The following FRMD4A variants were observed in gnomAD, a reference collection of about 807,000 sequenced individuals.
The protein encoded by FRMD4A is FERM domain containing 4A, also known as FERM domain-containing protein 4A.
A neutral mutation model predicts 129.1 loss-of-function variants in FRMD4A; 29 were observed. The observed-to-expected ratio is 0.22, with a 90% CI of 0.17 to 0.31. FRMD4A has a LOEUF of 0.31. Ranked by LOEUF, FRMD4A falls within the 10% of genes least tolerant of loss-of-function variation. FRMD4A has a pLI of 1.00. For synonymous variants in FRMD4A, 634 were observed against 571.6 expected, an observed-to-expected ratio of 1.11 and a Z score of -1.56; for missense variants, 1,272 against 1,375.8, an observed-to-expected ratio of 0.92 and a Z score of 1.19.
At chr10:14,224,133 C>T (rs1843358489) in intron 2 of FRMD4A, among the ~76,000 whole-genome samples, 1 of 152,188 alleles carries the variant, frequency 6.6e-6, no homozygotes, top group South Asian at 2.1e-4. Context: ...ACTAGCTCCT[C>T]TTTCAAATCC....
chr10:13,808,957 C>G (rs776484158), intron 4 of FRMD4A, among the ~76,000 whole-genome samples: 1 of 152,230 alleles, frequency 6.6e-6, no homozygotes, highest in Non-Finnish European at 1.5e-5. Context: ...ACACTTTTAT[C>G]CAGCCTGGCT....
chr10:13,993,176 C>T (rs553141230), intron 2 of FRMD4A, among the ~76,000 whole-genome samples: 1 of 152,124 alleles, frequency 6.6e-6, no homozygotes, highest in Non-Finnish European at 1.5e-5. Flanking sequence ...GTGGATGTGA[C>T]AAGTGTGAGC....
Position 14,242,665 on chromosome 10 carries a change from T to C in FRMD4A, c.45+87393A>G, listed in dbSNP as rs184790749. Among the ~76,000 whole-genome samples the C allele has an allele frequency of 5.5e-3, 840 of 152,298 alleles. 1 individual carries two copies. The highest frequency in any genetic ancestry group is 9.1e-3 in the Non-Finnish European group (622 of 68,012). ...CAATAAATGCCAAATTAAGTCACGA[T>C]AGATGGAACACAAGAGGGACCCTGT... On this transcript the variant is annotated intron_variant, in intron 2 of 24. Transcript: ENST00000357447.
rs75365429 is a variant in FRMD4A, at chr10:14,028,652, G to A, written c.46-169740C>T. 7.4e-3 allele frequency among the ~76,000 whole-genome samples: 1,128 copies of A among 152,168 alleles called. 51 individuals carry two copies. The East Asian group carries it at 0.1, about 14-fold the overall frequency. On this transcript the variant is annotated intron_variant, in intron 2 of 24. Transcript: ENST00000357447. Reference sequence around the variant, plus strand: ...TCAAAGGATAAATGCTTGAGGGGATGGAGACCCCCATTTTCCACAGTGTGA... The same window carrying A: ...TCAAAGGATAAATGCTTGAGGGGATAGAGACCCCCATTTTCCACAGTGTGA...
chr10:14,224,067 A>G (rs1383236210), intron 2 of FRMD4A, among the ~76,000 whole-genome samples: 1 of 152,204 alleles, frequency 6.6e-6, no homozygotes, highest in Non-Finnish European at 1.5e-5. Context: ...TCAGGCGAGG[A>G]GTCCTGTGGC....
At chr10:13,678,435 G>C (rs1371715095) in intron 15 of FRMD4A, among the ~76,000 whole-genome samples, 1 of 152,248 alleles carries the variant, frequency 6.6e-6, no homozygotes. Flanking sequence ...AAACAGATCT[G>C]AGTTTGATAA....
In FRMD4A at chr10:13,680,557, T is replaced by C. The variant is rs1198028171; in HGVS notation, c.1118-5513A>G. On this transcript the variant is annotated intron_variant, in intron 15 of 24. Coordinates refer to ENST00000357447, the MANE Select transcript of FRMD4A (RefSeq NM_018027.5). ...CTGGCCAACATGGCGAAACCCTGTC[T>C]TCTACTAAAAATACAAAAATCAGCT... Among the ~76,000 whole-genome samples the C allele has an allele frequency of 2.0e-5, 3 of 150,712 alleles. No individual in the cohort carries two copies. The East Asian group carries it at 6.0e-4, about 30-fold the overall frequency.
intron 2 of FRMD4A, among the ~76,000 whole-genome samples, chr10:14,038,248 G>A (rs1448824703): frequency 6.6e-6 from 1 of 152,138 alleles, no homozygotes; most frequent in Non-Finnish European, 1.5e-5. Flanking sequence ...GCATGAACCC[G>A]GGCGGCGGAG....
intron 2 of FRMD4A, among the ~76,000 whole-genome samples, chr10:14,088,778 T>C: frequency 9.4e-6 from 1 of 106,052 alleles, no homozygotes; most frequent in South Asian, 3.2e-4. Context: ...AGAGCAAGAC[T>C]CTGTCTCAAA....
intron 6 of FRMD4A, among the ~76,000 whole-genome samples, chr10:13,781,368 C>CTTTT (rs1161094661): frequency 4.9e-4 from 35 of 70,718 alleles, no homozygotes; most frequent in Non-Finnish European, 7.1e-4. Flanking sequence ...ATGGATGAAC[C>CTTTT]TTTTTTTTTT....
intron 2 of FRMD4A, among the ~76,000 whole-genome samples, chr10:13,916,457 A>C (rs1459794594): frequency 6.6e-6 from 1 of 152,170 alleles, no homozygotes; most frequent in African/African-American, 2.4e-5. Context: ...CAAAGGCCCA[A>C]CTAGTGTGTA....
rs529614788 is a variant in FRMD4A at position 14,300,942 on chromosome 10, G to A, written c.45+29116C>T. Among the ~76,000 whole-genome samples the A allele has an allele frequency of 5.8e-4, 89 of 152,248 alleles. 1 individual carries two copies. The highest frequency in any genetic ancestry group is 2.0e-3 in the African/African-American group (84 of 41,542). ...TGCCTGAGAGTTTTGGCCAACAAAT[G>A]GTCTAGCAATGTGATTTACAATGGG... On this transcript the variant is annotated intron_variant, in intron 2 of 24. Coordinates refer to ENST00000357447, the MANE Select transcript of FRMD4A (RefSeq NM_018027.5).
intron 18 of FRMD4A, among the ~76,000 whole-genome samples, chr10:13,664,714 T>C (rs1216190906): frequency 2.6e-5 from 4 of 152,112 alleles, no homozygotes; most frequent in African/African-American, 9.7e-5. Flanking sequence ...ATTTTTTTTT[T>C]TTTCAGAGAT....
chr10:13,990,326 G>C (rs4565800), intron 2 of FRMD4A, among the ~76,000 whole-genome samples: 45,780 of 152,060 alleles, frequency 0.3, 8,010 homozygotes, highest in East Asian at 0.73. Context: ...TGGAGAGTGA[G>C]ACCCATCCAG....
intron 2 of FRMD4A, among the ~76,000 whole-genome samples, chr10:14,264,805 G>T (rs1246895075): frequency 2.7e-5 from 4 of 149,910 alleles, no homozygotes; most frequent in African/African-American, 9.8e-5. Context: ...TTTTTTAGAC[G>T]AAGTCTTGCT....
At chr10:14,143,169 A>G (rs1229817404) in intron 2 of FRMD4A, among the ~76,000 whole-genome samples, 3 of 152,256 alleles carry the variant, frequency 2.0e-5, no homozygotes, top group Non-Finnish European at 4.4e-5. Flanking sequence ...GGACTCGAAG[A>G]GATAGTTGTA....
intron 3 of FRMD4A, among the ~76,000 whole-genome samples, chr10:13,852,710 G>T (rs1490824040): frequency 1.3e-5 from 2 of 152,048 alleles, no homozygotes; most frequent in African/African-American, 4.8e-5. Flanking sequence ...ATTTATACTT[G>T]CTCACAGCTG....
At chr10:14,062,116 A>C (rs1834842930) in intron 2 of FRMD4A, among the ~76,000 whole-genome samples, 1 of 152,250 alleles carries the variant, frequency 6.6e-6, no homozygotes, top group African/African-American at 2.4e-5. Context: ...TGCTATTTAT[A>C]GTACTGAAAA....
chr10:13,752,376 G>C (rs1283835662), intron 8 of FRMD4A, among the ~76,000 whole-genome samples: 1 of 152,166 alleles, frequency 6.6e-6, no homozygotes, highest in African/African-American at 2.4e-5. Flanking sequence ...ACAAAGTGAA[G>C]GGAGCAAAAA....
Sources: allele counts gnomAD v4.1 joint callset (sites outside exome capture counted in the v4.1 genomes callset), GRCh38; gene constraint gnomAD v4.1.1; transcripts MANE v1.5; gene names NCBI Gene and HGNC (gene_info 2026-07-23, HGNC 2026-07-21).